The following CDH12 variants were observed in gnomAD, a reference collection of about 807,000 sequenced individuals.
CDH12 encodes cadherin 12.
A neutral mutation model predicts 74.1 loss-of-function variants in CDH12; 41 were observed. That is an observed-to-expected ratio of 0.55 (90% CI 0.43 to 0.72). CDH12 has a LOEUF of 0.72. Among genes scored for constraint, CDH12 ranks in the 30% least tolerant of loss-of-function variants. The probability of loss-of-function intolerance (pLI) is 0.00; values close to 1 mark genes in which losing one functional copy is unlikely to be tolerated. For synonymous variants in CDH12, 399 were observed against 355.0 expected, an observed-to-expected ratio of 1.12 and a Z score of -1.39; for missense variants, 945 against 977.2, an observed-to-expected ratio of 0.97 and a Z score of 0.44.
intron 3 of CDH12, among the ~76,000 whole-genome samples, chr5:22,228,500 T>C (rs1039387716): frequency 6.6e-6 from 1 of 152,308 alleles, no homozygotes; most frequent in African/African-American, 2.4e-5. Context: ...TGTATATAAA[T>C]GTTTTCCTTT....
intron 1 of CDH12, among the ~76,000 whole-genome samples, chr5:22,811,631 G>A (rs183557596): frequency 7.4e-4 from 112 of 152,260 alleles, no homozygotes; most frequent in African/African-American, 2.5e-3. Context: ...TTTATGAATC[G>A]TTTGAGAAAT....
chr5:22,474,556 T>A (rs1746092132), intron 2 of CDH12, among the ~76,000 whole-genome samples: 1 of 152,092 alleles, frequency 6.6e-6, no homozygotes, highest in Non-Finnish European at 1.5e-5. Flanking sequence ...AGGAGAATAT[T>A]GGAAAGGGAA....
At chr5:21,779,978 C>T (rs569529259) in intron 11 of CDH12, among the ~76,000 whole-genome samples, 53 of 152,224 alleles carry the variant, frequency 3.5e-4, no homozygotes, top group South Asian at 1.5e-3. Context: ...TTGTCATACC[C>T]GATTTCCTTT....
At position 22,452,880 on chromosome 5, in the gene CDH12, C is replaced by CAAAAAAAAAAAAAAAAA. The variant is rs768945480; in HGVS notation, c.-427-47546_-427-47530dup. ...ATAAGAAACTCAAACAACCTAAGAGCAAAAAAAAAAAAAAAAAAAAAAAAT... is the reference window on the plus strand; with the variant it reads ...ATAAGAAACTCAAACAACCTAAGAGCAAAAAAAAAAAAAAAAAAAAAAAAAAAAAAAAAAAAAAAAAT... On this transcript the variant is annotated intron_variant, in intron 2 of 14. Coordinates refer to ENST00000382254, the MANE Select transcript of CDH12 (RefSeq NM_004061.5). 7.5e-4 allele frequency among the ~76,000 whole-genome samples: 24 copies of CAAAAAAAAAAAAAAAAA among 32,198 alleles called. 1 individual carries two copies. The highest frequency in any genetic ancestry group is 3.4e-3 in the East Asian group (3 of 894). The allele number at this position is 32,198 out of a possible 152,430, so 21.1% of individuals were successfully genotyped here. A position where few individuals can be genotyped will look rare whatever the true frequency, so the allele number is the denominator to read the frequency against.
In CDH12 at chr5:21,880,564, C is replaced by T. The variant is rs867627669; in HGVS notation, c.527-25774G>A. Among the ~76,000 whole-genome samples, 98 of 14,456 alleles carry T rather than the reference C, an allele frequency of 6.8e-3. 5 individuals carry two copies. The highest frequency in any genetic ancestry group is 0.014 in the Admixed American group (13 of 926). 9.5% of individuals were successfully genotyped at this position (14,456 alleles called of 152,430 possible). On this transcript the variant is annotated intron_variant, in intron 6 of 14. Coordinates refer to ENST00000382254, the MANE Select transcript of CDH12 (RefSeq NM_004061.5). ...CTTCCTTCCTTCCTTCCTTCCTTCC[C>T]TTCTTTCTTTCCTTCCTTCCTTCCT...
At chr5:21,929,260 CT>C (rs1754728987) in intron 6 of CDH12, among the ~76,000 whole-genome samples, 1 of 151,870 alleles carries the variant, frequency 6.6e-6, no homozygotes. Flanking sequence ...TTACTGTGCT[CT>C]TTATTTCTAT....
At chr5:21,958,260 C>T (rs975148900) in intron 6 of CDH12, among the ~76,000 whole-genome samples, 1 of 152,056 alleles carries the variant, frequency 6.6e-6, no homozygotes, top group Non-Finnish European at 1.5e-5. Context: ...ATTACTCAGT[C>T]TCTGGTGGTT....
chr5:22,182,811 G>T (rs950065135), intron 4 of CDH12, among the ~76,000 whole-genome samples: 1 of 151,430 alleles, frequency 6.6e-6, no homozygotes, highest in Non-Finnish European at 1.5e-5. Context: ...ATGAGCAAAT[G>T]ATCAACACTA....
At chr5:22,021,796 T>C (rs4412085) in intron 5 of CDH12, among the ~76,000 whole-genome samples, 53,868 of 152,004 alleles carry the variant, frequency 0.35, 12,465 homozygotes, top group African/African-American at 0.67. Context: ...GCGGTTCTGT[T>C]ATTAGAGCAA....
intron 13 of CDH12, among the ~76,000 whole-genome samples, chr5:21,759,845 C>A (rs111980452): frequency 0.031 from 4,780 of 152,078 alleles, 91 homozygotes; most frequent in Middle Eastern, 0.058. Context: ...CCATCCTCAC[C>A]CCTCAAGTAG....
chr5:22,175,669 T>C (rs1561190673), intron 4 of CDH12, among the ~76,000 whole-genome samples: 2 of 152,096 alleles, frequency 1.3e-5, no homozygotes, highest in Non-Finnish European at 2.9e-5. Flanking sequence ...AAGGAATCTG[T>C]ATAGGTGGTA....
intron 4 of CDH12, among the ~76,000 whole-genome samples, chr5:22,081,267 C>T (rs957609371): frequency 3.9e-5 from 6 of 152,252 alleles, no homozygotes; most frequent in Middle Eastern, 3.4e-3. Flanking sequence ...AACTCCATCA[C>T]GTTTGCGGTA....
At chr5:22,848,139 C>T (rs1469454732) in intron 1 of CDH12, among the ~76,000 whole-genome samples, 6 of 152,164 alleles carry the variant, frequency 3.9e-5, no homozygotes, top group Non-Finnish European at 4.4e-5. Context: ...TCATTATGTA[C>T]TAACTCTCTG....
intron 1 of CDH12, among the ~76,000 whole-genome samples, chr5:22,795,127 G>T (rs1748123862): frequency 6.6e-6 from 1 of 151,976 alleles, no homozygotes; most frequent in African/African-American, 2.4e-5. Context: ...AGGCTCTTTT[G>T]GAATTATTTC....
chr5:22,587,497 C>A (rs1383664127), intron 1 of CDH12, among the ~76,000 whole-genome samples: 1 of 152,138 alleles, frequency 6.6e-6, no homozygotes, highest in African/African-American at 2.4e-5. Flanking sequence ...CTGTGTCACT[C>A]GGATGAAGGC....
At chr5:22,271,973 C>T (rs946061603) in intron 3 of CDH12, among the ~76,000 whole-genome samples, 15 of 152,104 alleles carry the variant, frequency 9.9e-5, no homozygotes, top group Non-Finnish European at 2.2e-4. Context: ...TTGGTTTCAA[C>T]TTATCACCAG....
chr5:22,600,904 C>T (rs1736827463), intron 1 of CDH12, among the ~76,000 whole-genome samples: 1 of 152,000 alleles, frequency 6.6e-6, no homozygotes. Flanking sequence ...GTTTAATAGG[C>T]AAAGTCTTCC....
intron 3 of CDH12, among the ~76,000 whole-genome samples, chr5:22,384,320 T>A (rs889953106): frequency 6.6e-6 from 1 of 150,872 alleles, no homozygotes; most frequent in Admixed American, 6.6e-5. Context: ...GTCAGGAGAT[T>A]GAGACCATCC....
rs180803162 is a variant in CDH12, at chr5:21,914,231, T to C, written c.527-59441A>G. ...TGAATCCTTTTGCTTTTCTCTTCAA[T>C]GGAATATTTGCTATTCATCTTCTAC... On this transcript the variant is annotated intron_variant, in intron 6 of 14. Transcript: ENST00000382254. 1.3e-3 allele frequency among the ~76,000 whole-genome samples: 201 copies of C among 152,304 alleles called. No homozygotes were observed. In the Middle Eastern group the frequency reaches 0.014, roughly 10 times the overall value.
Sources: allele counts gnomAD v4.1 joint callset (sites outside exome capture counted in the v4.1 genomes callset), GRCh38; gene constraint gnomAD v4.1.1; transcripts MANE v1.5; gene names NCBI Gene and HGNC (gene_info 2026-07-23, HGNC 2026-07-21).